The following USP54 variants were observed in gnomAD, a reference collection of about 807,000 sequenced individuals.
The protein encoded by USP54 is ubiquitin specific peptidase 54, also known as ubiquitin carboxyl-terminal hydrolase 54.
Under a neutral mutation model 170.5 loss-of-function variants are expected in USP54, and 87 were observed. The ratio of observed to expected loss-of-function variants is 0.51; its 90% CI spans 0.43 to 0.61. USP54 has a LOEUF of 0.61. Ranked by LOEUF, USP54 falls within the 20% of genes least tolerant of loss-of-function variation. The pLI is 0.00. For missense variants in USP54, 1,786 were observed against 2,047.8 expected, an observed-to-expected ratio of 0.87 and a Z score of 2.47; for synonymous variants, 655 against 742.8, an observed-to-expected ratio of 0.88 and a Z score of 1.92.
At chr10:73,606,171 GTC>G (rs1230948234) in intron 1 of USP54, among the ~76,000 whole-genome samples, 1 of 84,942 alleles carries the variant, frequency 1.2e-5, no homozygotes, top group South Asian at 5.3e-4. Context: ...GAGTGAGGCT[GTC>G]TCAAAAAAAA....
chr10:73,559,468 G>C (rs1477424917), intron 4 of USP54, among the ~76,000 whole-genome samples: 1 of 151,792 alleles, frequency 6.6e-6, no homozygotes, highest in East Asian at 1.9e-4. Context: ...GCTGAGGCAG[G>C]AGAATCACTT....
intron 20 of USP54, chr10:73,506,752 A>C (rs2133186450): frequency 6.6e-6 from 1 of 152,310 alleles, no homozygotes; most frequent in East Asian, 1.9e-4. Context: ...AAAGGTTCCC[A>C]AAAAGTCTAA....
chr10:73,552,815 A>C (rs1340753994), intron 4 of USP54, among the ~76,000 whole-genome samples: 1 of 152,030 alleles, frequency 6.6e-6, no homozygotes, highest in African/African-American at 2.4e-5. Flanking sequence ...CAAAAATATA[A>C]ATGTATATAT....
At chr10:73,578,738 T>C (rs1030496163) in intron 1 of USP54, among the ~76,000 whole-genome samples, 1 of 152,142 alleles carries the variant, frequency 6.6e-6, no homozygotes, top group African/African-American at 2.4e-5. Flanking sequence ...ACCAAGGCCA[T>C]TTAATTGAGA....
chr10:73,546,354 CTTG>C (rs1039604270), intron 4 of USP54, among the ~76,000 whole-genome samples: 10 of 151,644 alleles, frequency 6.6e-5, no homozygotes, highest in East Asian at 3.9e-4. Context: ...TGTGTGTGTT[CTTG>C]TTGTTGTTTT....
chr10:73,550,642 A>C (rs1456496313), intron 4 of USP54, among the ~76,000 whole-genome samples: 3 of 152,348 alleles, frequency 2.0e-5, no homozygotes, highest in Admixed American at 1.3e-4. Flanking sequence ...TTTTAAATGA[A>C]TCAATTAATC....
intron 22 of USP54, among the ~76,000 whole-genome samples, chr10:73,501,480 T>G (rs879355954): frequency 1.3e-5 from 2 of 152,202 alleles, no homozygotes; most frequent in Non-Finnish European, 2.9e-5. Context: ...CTCCTCCTCC[T>G]GGCACCTCAT....
At chr10:73,504,823 G>A (rs1164570718) in intron 22 of USP54, 27 bp downstream of exon 22, 1 of 1,614,134 alleles carries the variant, frequency 6.2e-7, no homozygotes, top group South Asian at 1.1e-5. Context: ...AGGGTGCTCT[G>A]AATAGATGGA....
At chr10:73,560,750 G>C (rs1355733955) in intron 4 of USP54, among the ~76,000 whole-genome samples, 1 of 149,964 alleles carries the variant, frequency 6.7e-6, no homozygotes, top group African/African-American at 2.5e-5. Context: ...GAGTGAGAAA[G>C]GTCATAAAAG....
chr10:73,579,761 A>AAAC lies in USP54; in HGVS notation c.-581-3403_-581-3401dup, dbSNP rs140559477. 7.2e-5 allele frequency among the ~76,000 whole-genome samples: 11 copies of AAAC among 151,894 alleles called. No homozygotes were observed. The South Asian group carries it at 8.3e-4, about 11-fold the overall frequency. On this transcript the variant is annotated intron_variant, in intron 1 of 23. Transcript: ENST00000687698. ...GACACGGCAAGACTCCATCTCAAAA[A>AAAC]AACAACAACAACAACAACAAAAAAA...
Position 73,576,318 on chromosome 10 carries a change from CT to C in USP54, c.-539del, listed in dbSNP as rs1434679666. 1 of 152,124 alleles carries C rather than the reference CT, an allele frequency of 6.6e-6. No homozygotes were observed. The highest frequency in any genetic ancestry group is 1.5e-5 in the Non-Finnish European group (1 of 68,034). 9.4% of individuals were successfully genotyped at this position (152,124 alleles called of 1,614,324 possible). A position where few individuals can be genotyped will look rare whatever the true frequency, so the allele number is the denominator to read the frequency against. On this transcript the variant is annotated 5_prime_UTR_variant, in exon 2 of 24. Coordinates refer to ENST00000687698, the MANE Select transcript of USP54 (RefSeq NM_001391956.1). Reference sequence around the variant, plus strand: ...TCCCATCCAGATCTTCAGCAAGTCTCTCCTCTTTCTTCTGGGACTAGAATAG... The same window carrying C: ...TCCCATCCAGATCTTCAGCAAGTCTCCCTCTTTCTTCTGGGACTAGAATAG...
intron 1 of USP54, among the ~76,000 whole-genome samples, chr10:73,600,907 T>C (rs1352813991): frequency 6.6e-6 from 1 of 152,106 alleles, no homozygotes; most frequent in Non-Finnish European, 1.5e-5. Flanking sequence ...AGAGTGAAAC[T>C]CTATCTCAAA....
chr10:73,589,826 T>C (rs537207645), intron 1 of USP54, among the ~76,000 whole-genome samples: 13 of 152,182 alleles, frequency 8.5e-5, no homozygotes, highest in African/African-American at 3.1e-4. Context: ...AGAATATCTA[T>C]AAAGAAGATT....
chr10:73,589,472 G>GA (rs1028592105), intron 1 of USP54, among the ~76,000 whole-genome samples: 1 of 152,154 alleles, frequency 6.6e-6, no homozygotes, highest in Non-Finnish European at 1.5e-5. Flanking sequence ...ATGAGTTCCA[G>GA]AAAGTTACCC....
intron 17 of USP54, among the ~76,000 whole-genome samples, 184 bp downstream of exon 17, chr10:73,523,399 G>A (rs1226543241): frequency 6.6e-6 from 1 of 152,170 alleles, no homozygotes; most frequent in African/African-American, 2.4e-5. Context: ...CCCCAAATCA[G>A]TGCCTATCTC....
At chr10:73,617,214 T>G (rs1212764941) in intron 1 of USP54, among the ~76,000 whole-genome samples, 1 of 150,428 alleles carries the variant, frequency 6.6e-6, no homozygotes, top group African/African-American at 2.5e-5. Context: ...GAGAATCGCT[T>G]GAAACCAGGA....
chr10:73,595,965 G>A (rs1270245729), upstream of USP54, among the ~76,000 whole-genome samples: 5 of 152,022 alleles, frequency 3.3e-5, no homozygotes, highest in Non-Finnish European at 7.3e-5. Context: ...ACAACAATTA[G>A]CTGGGCATGG....
chr10:73,515,248 T>C (rs896787333), intron 20 of USP54, among the ~76,000 whole-genome samples: 2 of 152,040 alleles, frequency 1.3e-5, no homozygotes, highest in African/African-American at 2.4e-5. Context: ...CACAGAATCA[T>C]ACATGCCATT....
chr10:73,509,277 T>C (rs1195350130), intron 20 of USP54, among the ~76,000 whole-genome samples: 2 of 151,470 alleles, frequency 1.3e-5, no homozygotes, highest in African/African-American at 4.8e-5. Context: ...GTTAATTTTT[T>C]AGGTATAATA....
Sources: allele counts gnomAD v4.1 joint callset (sites outside exome capture counted in the v4.1 genomes callset), GRCh38; gene constraint gnomAD v4.1.1; transcripts MANE v1.5; gene names NCBI Gene and HGNC (gene_info 2026-07-23, HGNC 2026-07-21).